Variants in TMEM117 observed in about 807,000 individuals in gnomAD.
TMEM117 encodes transmembrane protein 117.
Under a neutral mutation model 52.4 loss-of-function variants are expected in TMEM117, and 27 were observed. That is an observed-to-expected ratio of 0.51 (90% CI 0.38 to 0.71). The LOEUF is 0.71. Among genes scored for constraint, TMEM117 ranks in the 30% least tolerant of loss-of-function variants. The pLI is 0.00. For synonymous variants in TMEM117, 215 were observed against 206.3 expected, an observed-to-expected ratio of 1.04 and a Z score of -0.36; for missense variants, 556 against 630.5, an observed-to-expected ratio of 0.88 and a Z score of 1.26.
intron 5 of TMEM117, among the ~76,000 whole-genome samples, chr12:44,234,837 T>G (rs1394339013): frequency 6.6e-6 from 1 of 151,544 alleles, no homozygotes; most frequent in African/African-American, 2.4e-5. Flanking sequence ...ATTTTGAAAT[T>G]TGTCAAGACA....
chr12:44,191,859 A>G (rs1202140361), intron 4 of TMEM117, among the ~76,000 whole-genome samples: 1 of 152,206 alleles, frequency 6.6e-6, no homozygotes, highest in Non-Finnish European at 1.5e-5. Flanking sequence ...TATAAGTAAT[A>G]GAATACATTC....
chr12:44,014,698 C>CACTGGT (rs752058041), intron 3 of TMEM117, among the ~76,000 whole-genome samples: 10 of 152,260 alleles, frequency 6.6e-5, no homozygotes, highest in Admixed American at 2.0e-4. Flanking sequence ...GGAAAATGAA[C>CACTGGT]ACTGGTATCT....
Position 44,094,824 on chromosome 12 carries a change from GGAGA to G in TMEM117, c.411-48696_411-48693del, listed in dbSNP as rs143222727. On this transcript the variant is annotated intron_variant, in intron 3 of 7. Transcript: ENST00000266534. The stretch of plus-strand genomic sequence containing the variant: ...GTGGGGGAATACTCAACTAAAAAGG[GGAGA>G]GAGAAATTAAAATGTAAGTTCTTAC... Among the ~76,000 whole-genome samples the G allele has an allele frequency of 6.8e-3, 1,039 of 152,076 alleles. 14 individuals carry two copies. Among genetic ancestry groups the G allele is most frequent in the African/African-American group, 0.024 (994 of 41,508 alleles).
At chr12:43,973,938 A>G (rs903703803) in intron 3 of TMEM117, among the ~76,000 whole-genome samples, 1 of 152,196 alleles carries the variant, frequency 6.6e-6, no homozygotes, top group East Asian at 1.9e-4. Context: ...TTTAGAAGCA[A>G]AAATACTATT....
At chr12:43,950,548 CAA>C (rs59755502) in intron 3 of TMEM117, among the ~76,000 whole-genome samples, 102,163 of 150,190 alleles carry the variant, frequency 0.68, 38,763 homozygotes, top group Non-Finnish European at 0.82. Context: ...TTTTTTTTCT[CAA>C]AAAAAAAAAG....
intron 6 of TMEM117, among the ~76,000 whole-genome samples, chr12:44,333,304 A>G (rs1276613875): frequency 6.6e-6 from 1 of 152,034 alleles, no homozygotes; most frequent in Non-Finnish European, 1.5e-5. Flanking sequence ...AATGTGGTGG[A>G]TAAAACCGGA....
chr12:44,314,525 G>A (rs1213661697), intron 6 of TMEM117, among the ~76,000 whole-genome samples: 2 of 146,070 alleles, frequency 1.4e-5, no homozygotes, highest in Admixed American at 1.4e-4. Flanking sequence ...GAGGATTTTT[G>A]TGTCTATGTT....
At chr12:44,198,578 G>T (rs1949451524) in intron 4 of TMEM117, among the ~76,000 whole-genome samples, 1 of 152,070 alleles carries the variant, frequency 6.6e-6, no homozygotes, top group Admixed American at 6.6e-5. Flanking sequence ...CAGATGTTGG[G>T]ACCAGTGATG....
intron 2 of TMEM117, among the ~76,000 whole-genome samples, chr12:43,924,624 G>A (rs929129594): frequency 6.6e-6 from 1 of 152,002 alleles, no homozygotes; most frequent in African/African-American, 2.4e-5. Context: ...TATGAATATT[G>A]TACTTTATTT....
At chr12:44,056,750 C>T (rs1026056480) in intron 3 of TMEM117, among the ~76,000 whole-genome samples, 1 of 150,546 alleles carries the variant, frequency 6.6e-6, no homozygotes, top group African/African-American at 2.4e-5. Context: ...GTGTGTGTAT[C>T]TCTCTCTCTC....
intron 1 of TMEM117, among the ~76,000 whole-genome samples, chr12:43,839,831 T>C (rs930434828): frequency 3.9e-5 from 6 of 152,272 alleles, no homozygotes; most frequent in Admixed American, 2.6e-4. Flanking sequence ...TTAACAAATC[T>C]GTACATCATC....
intron 7 of TMEM117, among the ~76,000 whole-genome samples, chr12:44,377,532 C>A (rs73276287): frequency 0.025 from 3,869 of 152,192 alleles, 160 homozygotes; most frequent in African/African-American, 0.086. Context: ...ATTGTAATAT[C>A]CTTTCATGAC....
chr12:43,891,091 T>A (rs984100807), intron 2 of TMEM117, among the ~76,000 whole-genome samples: 2 of 152,188 alleles, frequency 1.3e-5, no homozygotes, highest in Non-Finnish European at 2.9e-5. Context: ...CTGACAGATA[T>A]GATACAATCA....
intron 2 of TMEM117, among the ~76,000 whole-genome samples, chr12:43,923,934 A>G (rs771033909): frequency 2.2e-4 from 33 of 152,206 alleles, no homozygotes; most frequent in Admixed American, 7.9e-4. Context: ...AATTTATACT[A>G]TATAGATATT....
the TMEM117 span, among the ~76,000 whole-genome samples, chr12:43,804,869 A>T: frequency 6.6e-6 from 1 of 152,238 alleles, no homozygotes; most frequent in Non-Finnish European, 1.5e-5. Flanking sequence ...TAATGAGCAA[A>T]TTACAATTTT....
chr12:44,077,289 A>T (rs1051597928), intron 3 of TMEM117, among the ~76,000 whole-genome samples: 1 of 152,206 alleles, frequency 6.6e-6, no homozygotes, highest in African/African-American at 2.4e-5. Context: ...ACTTGCTGCA[A>T]ACAGGTCAAG....
At chr12:43,802,017 G>C in the TMEM117 span, among the ~76,000 whole-genome samples, 8 of 152,096 alleles carry the variant, frequency 5.3e-5, no homozygotes, top group African/African-American at 1.9e-4. Context: ...GTGACAGAGT[G>C]AGATTCTGCC....
At chr12:43,867,095 G>GA (rs938455068) in intron 2 of TMEM117, among the ~76,000 whole-genome samples, 23 of 139,930 alleles carry the variant, frequency 1.6e-4, no homozygotes, top group African/African-American at 3.7e-4. Flanking sequence ...CATCTCAAGA[G>GA]AAAAAAAAAA....
At chr12:44,266,102 G>T (rs1177648293) in intron 5 of TMEM117, among the ~76,000 whole-genome samples, 1 of 152,026 alleles carries the variant, frequency 6.6e-6, no homozygotes, top group Non-Finnish European at 1.5e-5. Context: ...TTTCTCTTGG[G>T]TGTATAGCTA....
Sources: gnomAD v4.1 joint callset for allele counts (sites outside exome capture counted in the v4.1 genomes callset) on GRCh38, gnomAD v4.1.1 for gene constraint, MANE v1.5 for transcripts, NCBI Gene and HGNC (gene_info 2026-07-23, HGNC 2026-07-21) for gene names.